NUMB: variants seen among roughly 807,000 people sequenced by gnomAD.
The protein encoded by NUMB is NUMB endocytic adaptor protein.
Under a neutral mutation model 59.7 loss-of-function variants are expected in NUMB, and 29 were observed. That is an observed-to-expected ratio of 0.49 (90% confidence interval 0.36 to 0.66). The LOEUF (loss-of-function observed/expected upper bound fraction) is 0.66. Among genes scored for constraint, NUMB ranks in the 30% least tolerant of loss-of-function variants. NUMB has a pLI of 0.00. For synonymous variants in NUMB, 288 were observed against 288.2 expected, an observed-to-expected ratio of 1.00 and a Z score of 0.01; for missense variants, 723 against 822.0, an observed-to-expected ratio of 0.88 and a Z score of 1.47.
chr14:73,356,613 CAG>C (rs936195195), intron 3 of NUMB, among the ~76,000 whole-genome samples: 1 of 152,108 alleles, frequency 6.6e-6, no homozygotes, highest in Non-Finnish European at 1.5e-5. Flanking sequence ...GCCTGGGCGA[CAG>C]AGTGAGACTG....
intron 8 of NUMB, among the ~76,000 whole-genome samples, chr14:73,288,442 T>C (rs1034375579): frequency 6.6e-6 from 1 of 151,884 alleles, no homozygotes; most frequent in African/African-American, 2.4e-5. Context: ...TCCCAGCTAC[T>C]TGAGAGGCTG....
rs150740759 is a variant in NUMB at position 73,310,313 on chromosome 14, A to C, written c.234+6077T>G. Among the ~76,000 whole-genome samples, 374 of 152,330 alleles carry C rather than the reference A, an allele frequency of 2.5e-3. 3 individuals are homozygous for C. Among genetic ancestry groups the C allele is most frequent in the African/African-American group, 8.5e-3 (354 of 41,582 alleles). ...TGTTTTGCCAGGTCTGCTAATTCTT[A>C]AGATAAATGTCCTACTGAAAAGTAG... On this transcript the variant is annotated intron_variant, in intron 6 of 12. Transcript: ENST00000555238.
chr14:73,406,684 T>C (rs1896687506), intron 2 of NUMB, among the ~76,000 whole-genome samples: 1 of 152,182 alleles, frequency 6.6e-6, no homozygotes, highest in African/African-American at 2.4e-5. Context: ...TCTTCCACGA[T>C]GGTTGACTAG....
chr14:73,286,110 G>A (rs1437878533), intron 9 of NUMB: 1 of 148,634 alleles, frequency 6.7e-6, no homozygotes, highest in Non-Finnish European at 1.5e-5. Context: ...CTGTAACCTT[G>A]TACTCCTGGG....
At chr14:73,356,688 A>T (rs1393101453) in intron 3 of NUMB, among the ~76,000 whole-genome samples, 2 of 152,154 alleles carry the variant, frequency 1.3e-5, no homozygotes, top group Admixed American at 1.3e-4. Context: ...ACTAGGACTA[A>T]ATCTAGAGAA....
At chr14:73,292,667 A>G (rs1889475621) in intron 8 of NUMB, 67 bp downstream of exon 8, 1 of 1,550,244 alleles carries the variant, frequency 6.5e-7, no homozygotes, top group Admixed American at 1.9e-5. Flanking sequence ...CGCTTGGCTG[A>G]GCAAACCCAG....
intron 5 of NUMB, among the ~76,000 whole-genome samples, chr14:73,317,679 G>C (rs577061059): frequency 1.3e-5 from 2 of 152,264 alleles, no homozygotes; most frequent in African/African-American, 4.8e-5. Context: ...CTGGATAACA[G>C]AGGCATAACT....
chr14:73,292,174 T>C (rs1219358377), intron 8 of NUMB, among the ~76,000 whole-genome samples: 1 of 152,084 alleles, frequency 6.6e-6, no homozygotes, highest in Non-Finnish European at 1.5e-5. Flanking sequence ...GCATGTAGAA[T>C]GTAGCTAGGA....
chr14:73,312,713 CAAA>C (rs544005367), intron 6 of NUMB, among the ~76,000 whole-genome samples: 7 of 64,062 alleles, frequency 1.1e-4, no homozygotes, highest in Admixed American at 1.9e-4. Context: ...GACCCTGTCT[CAAA>C]AAAAAAAAAA....
intron 6 of NUMB, among the ~76,000 whole-genome samples, chr14:73,313,231 C>CCACCCGCCCTTGGCCTCCCAA (rs1323254076): frequency 6.6e-6 from 1 of 152,024 alleles, no homozygotes; most frequent in Non-Finnish European, 1.5e-5. Context: ...CTCAAGCAAT[C>CCACCCGCCCTTGGCCTCCCAA]CACCCGCCCT....
At chr14:73,347,465 T>C (rs530790874) in intron 4 of NUMB, among the ~76,000 whole-genome samples, 1 of 145,888 alleles carries the variant, frequency 6.9e-6, no homozygotes, top group Non-Finnish European at 1.6e-5. Context: ...CACTCCCCCA[T>C]CCTTATACAA....
rs192144861 is a variant in NUMB at position 73,389,648 on chromosome 14, G to A, written c.-101+20289C>T. ...ATTATAGGTGTGAACCACCGTGCCC[G>A]GCCCATCTCTTCATTTTATAAGGAG... On this transcript the variant is annotated intron_variant, in intron 2 of 12. Coordinates refer to ENST00000555238, the MANE Select transcript of NUMB (RefSeq NM_001005743.2). 9.2e-5 allele frequency among the ~76,000 whole-genome samples: 14 copies of A among 152,210 alleles called. No homozygotes were observed. The East Asian group carries it at 1.7e-3, about 19-fold the overall frequency.
intron 8 of NUMB, 134 bp downstream of exon 8, chr14:73,292,600 G>T: frequency 1.4e-6 from 1 of 727,418 alleles, no homozygotes; most frequent in Non-Finnish European, 2.2e-6. Context: ...AATAAAAGGA[G>T]CTGAAAGTAG....
chr14:73,276,916 C>T lies in NUMB; in HGVS notation c.1618G>A (p.Gly540Ser). Reference protein sequence around the residue: ...TPSQMVANVFGTAGHPQAAHP... With the variant: ...TPSQMVANVFSTAGHPQAAHP... ...GCAGCCTGAGGGTGGCCTGCAGTGC[C>T]AAATACGTTGGCCACCATCTGGGAG... The change falls in exon 13 of 13, where the codon GGC (glycine) becomes AGC (serine). Residue 540 changes from glycine (G) to serine (S), a missense_variant. Physicochemically the swap from Gly to Ser is moderately conservative, Grantham distance 56. Coordinates refer to ENST00000555238, the MANE Select transcript of NUMB (RefSeq NM_001005743.2). 1.2e-6 allele frequency: 2 copies of T among 1,614,112 alleles called. No homozygotes were observed. Among genetic ancestry groups the T allele is most frequent in the Non-Finnish European group, 1.7e-6 (2 of 1,180,012 alleles).
chr14:73,422,088 G>A (rs1461477770), intron 1 of NUMB, among the ~76,000 whole-genome samples: 1 of 151,658 alleles, frequency 6.6e-6, no homozygotes, highest in Non-Finnish European at 1.5e-5. Flanking sequence ...AGGTTGCAGT[G>A]AGCCAAGATT....
intron 6 of NUMB, among the ~76,000 whole-genome samples, chr14:73,307,843 C>T (rs2139877345): frequency 6.7e-6 from 1 of 150,364 alleles, no homozygotes; most frequent in Non-Finnish European, 1.5e-5. Context: ...CGCCATTCTC[C>T]TGCCTCAGCC....
At position 73,419,373 on chromosome 14, in the gene NUMB, G is replaced by T. The variant is rs532879967; in HGVS notation, c.-232-9305C>A. Among the ~76,000 whole-genome samples the T allele has an allele frequency of 7.9e-5, 12 of 152,296 alleles. No homozygotes were observed. The South Asian group carries it at 2.3e-3, about 29-fold the overall frequency. On this transcript the variant is annotated intron_variant, in intron 1 of 12. Coordinates refer to ENST00000555238, the MANE Select transcript of NUMB (RefSeq NM_001005743.2). ...AAAATACAAAAAACTAGCTGGGTGT[G>T]GTGGCGGGCGCCTGTAGTCCCAGCT...
At chr14:73,367,387 T>C (rs913385530) in intron 2 of NUMB, among the ~76,000 whole-genome samples, 1 of 111,234 alleles carries the variant, frequency 9.0e-6, no homozygotes, top group Non-Finnish European at 1.9e-5. Context: ...AAATAGGATA[T>C]TGTTATTTAT....
chr14:73,439,721 T>C (rs1882881859), intron 1 of NUMB, among the ~76,000 whole-genome samples: 1 of 152,192 alleles, frequency 6.6e-6, no homozygotes, highest in Non-Finnish European at 1.5e-5. Context: ...AGAAGAGTCT[T>C]CTTAAGATAA....
Sources: gnomAD v4.1 joint callset for allele counts (sites outside exome capture counted in the v4.1 genomes callset) on GRCh38, gnomAD v4.1.1 for gene constraint, MANE v1.5 for transcripts, NCBI Gene and HGNC (gene_info 2026-07-23, HGNC 2026-07-21) for gene names.